Variants in SLC45A2 observed in about 807,000 individuals in gnomAD.
The protein encoded by SLC45A2 is membrane-associated transporter protein.
SLC45A2 carries 36 observed loss-of-function variants against 45.5 expected under a neutral mutation model. The ratio of observed to expected loss-of-function variants is 0.79; its 90% CI spans 0.61 to 1.04. The LOEUF (loss-of-function observed/expected upper bound fraction) is 1.04, where lower values mean the gene tolerates loss of function less well. SLC45A2 is among the 50% of genes least tolerant of loss of function. The pLI is 0.00. For synonymous variants in SLC45A2, 306 were observed against 269.3 expected, an observed-to-expected ratio of 1.14 and a Z score of -1.33; for missense variants, 719 against 671.0, an observed-to-expected ratio of 1.07 and a Z score of -0.79.
intron 2 of SLC45A2, among the ~76,000 whole-genome samples, chr5:33,979,441 T>C (rs1190325847): frequency 6.6e-6 from 1 of 152,120 alleles, no homozygotes; most frequent in African/African-American, 2.4e-5. Flanking sequence ...CTGTAAACGT[T>C]TCCTATCAGA....
At chr5:33,963,625 A>G in intron 3 of SLC45A2, 66 bp downstream of exon 3, 9 of 1,435,568 alleles carry the variant, frequency 6.3e-6, no homozygotes, top group Non-Finnish European at 8.4e-6. Context: ...AACAATTAAA[A>G]AAACAACAAC....
intron 2 of SLC45A2, among the ~76,000 whole-genome samples, chr5:33,967,657 A>G (rs1752636610): frequency 6.6e-6 from 1 of 152,200 alleles, no homozygotes; most frequent in Admixed American, 6.5e-5. Flanking sequence ...AGATATGAAT[A>G]GGGTTTTTGT....
rs764681973 is a variant in SLC45A2, at chr5:33,954,519, G to A, written c.889-15C>T. 1 of 1,613,226 alleles carries A rather than the reference G, an allele frequency of 6.2e-7. No individual in the cohort carries two copies. The highest frequency in any genetic ancestry group is 8.5e-7 in the Non-Finnish European group (1 of 1,179,958). ...GCCCTGCGAGTCTGAAATAAAACAT[G>A]AAACAGAGGTGTGATCTTCACTGCA... On this transcript the variant is annotated splice_polypyrimidine_tract_variant and intron_variant, in intron 3 of 6. Coordinates refer to ENST00000296589, the MANE Select transcript of SLC45A2 (RefSeq NM_016180.5).
chr5:33,944,943 T>C, intron 6 of SLC45A2, 71 bp from the exon 7 acceptor site: 2 of 1,469,962 alleles, frequency 1.4e-6, no homozygotes, highest in Non-Finnish European at 1.9e-6. Flanking sequence ...TCAGCAAAAT[T>C]TTTCTGTGAC....
intron 3 of SLC45A2, among the ~76,000 whole-genome samples, chr5:33,959,013 A>G (rs1225390048): frequency 1.3e-5 from 2 of 152,200 alleles, no homozygotes; most frequent in East Asian, 3.8e-4. Context: ...TTTGTTCCCC[A>G]AATCACCACA....
At position 33,975,950 on chromosome 5, in the gene SLC45A2, C is replaced by T. The variant is rs142103012; in HGVS notation, c.562+6286G>A. Among the ~76,000 whole-genome samples, 149 of 152,292 alleles carry T rather than the reference C, an allele frequency of 9.8e-4. 1 individual carries two copies. In the Middle Eastern group the frequency reaches 0.014, roughly 14 times the overall value. On this transcript the variant is annotated intron_variant, in intron 2 of 6. Coordinates refer to ENST00000296589, the MANE Select transcript of SLC45A2 (RefSeq NM_016180.5). ...TCTTGAAACAAACAAGAGCTATGGA[C>T]CCGTAGCAATTGTCTTGCATCCAGG...
chr5:33,954,173 T>C (rs1185260181), intron 4 of SLC45A2, among the ~76,000 whole-genome samples, 188 bp downstream of exon 4: 2 of 152,230 alleles, frequency 1.3e-5, no homozygotes, highest in Non-Finnish European at 2.9e-5. Flanking sequence ...GCAGGCTCCG[T>C]AGTGTCCTCT....
At chr5:33,974,077 C>T (rs148125013) in intron 2 of SLC45A2, among the ~76,000 whole-genome samples, 1 of 152,306 alleles carries the variant, frequency 6.6e-6, no homozygotes, top group Admixed American at 6.5e-5. Context: ...AGCAGAAATA[C>T]GCTTGGTTAG....
chr5:33,983,704 A>G (rs1753147527), intron 1 of SLC45A2, among the ~76,000 whole-genome samples: 1 of 152,238 alleles, frequency 6.6e-6, no homozygotes, highest in African/African-American at 2.4e-5. Context: ...TTGCAATGCC[A>G]GAAAGGTCCT....
intron 2 of SLC45A2, among the ~76,000 whole-genome samples, chr5:33,976,477 G>A (rs933943665): frequency 3.3e-5 from 5 of 152,246 alleles, no homozygotes; most frequent in Non-Finnish European, 5.9e-5. Context: ...GCCCTTTAGG[G>A]CTGGACTGTT....
intron 6 of SLC45A2, among the ~76,000 whole-genome samples, chr5:33,945,697 T>C (rs993459): frequency 0.099 from 15,054 of 152,188 alleles, 1,724 homozygotes; most frequent in East Asian, 0.44. Flanking sequence ...CATCCACTAA[T>C]TTGTTTGCTT....
intron 2 of SLC45A2, among the ~76,000 whole-genome samples, chr5:33,968,674 G>A (rs903940868): frequency 3.3e-4 from 51 of 152,264 alleles, no homozygotes; most frequent in African/African-American, 1.2e-3. Flanking sequence ...ATGGGAAATT[G>A]GTAAACTGTC....
At chr5:33,974,017 G>T (rs1217478228) in intron 2 of SLC45A2, among the ~76,000 whole-genome samples, 1 of 152,160 alleles carries the variant, frequency 6.6e-6, no homozygotes, top group Non-Finnish European at 1.5e-5. Context: ...CCAGCCTCCC[G>T]CCAAGCAAGA....
At chr5:33,953,223 C>A (rs1346127015) in intron 4 of SLC45A2, among the ~76,000 whole-genome samples, 1 of 143,036 alleles carries the variant, frequency 7.0e-6, no homozygotes, top group Non-Finnish European at 1.5e-5. Context: ...AATGGGATGG[C>A]TGGGTCAAAT....
At chr5:33,965,130 A>C (rs780731289) in intron 2 of SLC45A2, among the ~76,000 whole-genome samples, 6 of 152,064 alleles carry the variant, frequency 3.9e-5, no homozygotes, top group Non-Finnish European at 8.8e-5. Context: ...ATCAGCTTTC[A>C]TTTTTGTTTT....
intron 5 of SLC45A2, chr5:33,951,323 C>T (rs183184046): frequency 8.5e-7 from 1 of 1,173,752 alleles, no homozygotes; most frequent in Non-Finnish European, 1.1e-6. Flanking sequence ...TGATCAGGAA[C>T]CCACTGATTC....
chr5:33,975,428 T>C (rs1165893637), intron 2 of SLC45A2, among the ~76,000 whole-genome samples: 1 of 152,184 alleles, frequency 6.6e-6, no homozygotes, highest in East Asian at 1.9e-4. Context: ...AAATACCTTG[T>C]AAATTACAAT....
intron 1 of SLC45A2, among the ~76,000 whole-genome samples, chr5:33,983,299 T>A (rs1300203922): frequency 1.3e-5 from 2 of 152,232 alleles, no homozygotes; most frequent in Non-Finnish European, 2.9e-5. Flanking sequence ...ATTTGCTTTT[T>A]AAACTTAAGA....
chr5:33,967,488 TG>T (rs943272164), intron 2 of SLC45A2, among the ~76,000 whole-genome samples: 5 of 152,210 alleles, frequency 3.3e-5, no homozygotes, highest in African/African-American at 1.2e-4. Flanking sequence ...CCAATGCTGC[TG>T]GGCCAAGCAT....
Sources: allele counts gnomAD v4.1 joint callset (sites outside exome capture counted in the v4.1 genomes callset), GRCh38; gene constraint gnomAD v4.1.1; transcripts MANE v1.5; gene names NCBI Gene and HGNC (gene_info 2026-07-23, HGNC 2026-07-21).